The following CLDN14 variants were observed in gnomAD, a reference collection of about 807,000 sequenced individuals.
The protein encoded by CLDN14 is claudin 14, also known as claudin-14.
In CLDN14, 2 loss-of-function variants were observed where a neutral mutation model predicts 2.1. The ratio of observed to expected loss-of-function variants is 0.96; its 90% CI spans 0.39 to 3.01. The LOEUF (loss-of-function observed/expected upper bound fraction) is 3.01. Ranked by LOEUF, CLDN14 falls within the 30% of genes most tolerant of loss-of-function variation. The pLI, the probability that CLDN14 is intolerant of heterozygous loss-of-function variation, is 0.09. For missense variants in CLDN14, 298 were observed against 328.0 expected (o/e 0.91, Z 0.71); for synonymous variants, 136 against 154.4 (o/e 0.88, Z 0.88).
intron 1 of CLDN14, among the ~76,000 whole-genome samples, chr21:36,463,160 G>A (rs1239563115): frequency 5.3e-5 from 8 of 152,204 alleles, no homozygotes; most frequent in Non-Finnish European, 7.3e-5. Context: ...CATTAGCAGC[G>A]AGCATTAGGA....
chr21:36,553,924 G>A (rs965150391), intron 1 of CLDN14, among the ~76,000 whole-genome samples: 1 of 152,118 alleles, frequency 6.6e-6, no homozygotes, highest in African/African-American at 2.4e-5. Flanking sequence ...TGATGTCATC[G>A]TGCATATCAT....
chr21:36,506,609 A>AC (rs1202277574), intron 2 of CLDN14, among the ~76,000 whole-genome samples: 1 of 149,922 alleles, frequency 6.7e-6, no homozygotes, highest in Non-Finnish European at 1.5e-5. Context: ...AAAAAAAAAA[A>AC]AAAGAAAGAA....
intron 1 of CLDN14, among the ~76,000 whole-genome samples, chr21:36,573,286 G>C (rs1324210234): frequency 8.0e-6 from 1 of 124,254 alleles, no homozygotes; most frequent in East Asian, 2.4e-4. Flanking sequence ...GGGTGACAGA[G>C]CAAGACTCTG....
chr21:36,495,155 C>A (rs183067686), intron 2 of CLDN14, among the ~76,000 whole-genome samples: 2 of 152,234 alleles, frequency 1.3e-5, no homozygotes, highest in African/African-American at 4.8e-5. Context: ...TTGTGAAACC[C>A]CTTCTCTACT....
intron 2 of CLDN14, among the ~76,000 whole-genome samples, chr21:36,488,418 C>T (rs999951072): frequency 3.3e-5 from 5 of 152,136 alleles, no homozygotes; most frequent in South Asian, 2.1e-4. Flanking sequence ...ATTACAGGCA[C>T]GTGCCGCCAT....
chr21:36,498,862 A>G lies in CLDN14; in HGVS notation c.-82+11501T>C, dbSNP rs554516230. 2.0e-5 allele frequency among the ~76,000 whole-genome samples: 3 copies of G among 151,626 alleles called. No individual in the cohort carries two copies. Among genetic ancestry groups the G allele is most frequent in the Non-Finnish European group, 4.4e-5 (3 of 67,956 alleles). On this transcript the variant is annotated intron_variant, in intron 2 of 2. Coordinates refer to the CLDN14 transcript ENST00000342108. The surrounding 1 kb of genome is among the most constrained non-coding windows in gnomAD (Gnocchi z 4.9). ...GGGCCCTCATGGGGGCTGAAATTCA[A>G]CCAAGGCTTGATTCCTGCCTGAGGT...
In CLDN14 at chr21:36,474,137, T is replaced by G. The variant is rs141039530; in HGVS notation, c.-82+5358A>C. Among the ~76,000 whole-genome samples, 915 of 152,184 alleles carry G rather than the reference T, an allele frequency of 6.0e-3. 8 individuals are homozygous for G. Among genetic ancestry groups the G allele is most frequent in the African/African-American group, 0.019 (805 of 41,516 alleles). On this transcript the variant is annotated intron_variant, in intron 1 of 1. Transcript: ENST00000399135. ...AATGAGGCAACAGTTTTAGGATGGG[T>G]TCCAGGGCCCATAGACCTCAGGATA...
At chr21:36,463,787 GTAAA>G (rs1207901037) in intron 1 of CLDN14, among the ~76,000 whole-genome samples, 1 of 152,146 alleles carries the variant, frequency 6.6e-6, no homozygotes, top group Non-Finnish European at 1.5e-5. Flanking sequence ...CACTTGGTAA[GTAAA>G]TAATTAATAA....
chr21:36,517,231 A>G (rs1328968416), intron 1 of CLDN14, among the ~76,000 whole-genome samples: 2 of 152,246 alleles, frequency 1.3e-5, no homozygotes, highest in East Asian at 1.9e-4. Context: ...AGTGTCCATT[A>G]TATAAAGTTT....
intron 1 of CLDN14, among the ~76,000 whole-genome samples, chr21:36,469,875 T>C (rs886664519): frequency 2.6e-5 from 4 of 152,194 alleles, no homozygotes; most frequent in African/African-American, 7.2e-5. Flanking sequence ...TTTACTTAAA[T>C]ACATGAGTGC....
intron 2 of CLDN14, among the ~76,000 whole-genome samples, chr21:36,507,269 C>T (rs886675605): frequency 3.9e-5 from 6 of 152,206 alleles, no homozygotes; most frequent in Admixed American, 3.3e-4. Context: ...CCAGTGTTCT[C>T]TCAACCCATG....
intron 1 of CLDN14, among the ~76,000 whole-genome samples, chr21:36,517,424 C>T (rs981064367): frequency 1.3e-5 from 2 of 152,200 alleles, no homozygotes; most frequent in Non-Finnish European, 2.9e-5. Context: ...CATGTGAAGT[C>T]TGAACATCAA....
At chr21:36,529,427 T>C (rs2087361994) in intron 1 of CLDN14, among the ~76,000 whole-genome samples, 2 of 152,118 alleles carry the variant, frequency 1.3e-5, no homozygotes, top group Non-Finnish European at 2.9e-5. Context: ...TAGCTGGGAT[T>C]ACAGGCACCC....
chr21:36,557,517 G>A lies in CLDN14; in HGVS notation c.-220+18894C>T, dbSNP rs199833770. Among the ~76,000 whole-genome samples, 14 of 151,808 alleles carry A rather than the reference G, an allele frequency of 9.2e-5. No homozygotes were observed. The South Asian group carries it at 1.3e-3, about 14-fold the overall frequency. ...TAATATCTCATTGTGGTTTTGATTC[G>A]CATTTCCTTGATGATTAGTGACGTT... On this transcript the variant is annotated intron_variant, in intron 1 of 2. Transcript: ENST00000342108.
At chr21:36,471,235 C>T (rs2086707192) in intron 1 of CLDN14, among the ~76,000 whole-genome samples, 1 of 151,966 alleles carries the variant, frequency 6.6e-6, no homozygotes, top group African/African-American at 2.4e-5. Context: ...AAACAAAAAA[C>T]AAAGCCATGG....
Position 36,499,590 on chromosome 21 carries a change from A to G in CLDN14, c.-82+10773T>C, listed in dbSNP as rs901485951. Among the ~76,000 whole-genome samples, 2 of 152,122 alleles carry G rather than the reference A, an allele frequency of 1.3e-5. No homozygotes were observed. The highest frequency in any genetic ancestry group is 4.8e-5 in the African/African-American group (2 of 41,424). ...CAGGGCCCCAACCCAGACCTACCGA[A>G]TCAGAATTTCAGGAGGGGAGGTTAG... On this transcript the variant is annotated intron_variant, in intron 2 of 2. Coordinates refer to the CLDN14 transcript ENST00000342108. The surrounding 1 kb of genome is among the most constrained non-coding windows in gnomAD (Gnocchi z 4.7).
intron 1 of CLDN14, among the ~76,000 whole-genome samples, chr21:36,539,821 G>A (rs1276520776): frequency 6.6e-6 from 1 of 150,744 alleles, no homozygotes; most frequent in Non-Finnish European, 1.5e-5. Flanking sequence ...TGTGTGCGGA[G>A]TATGTCTGCA....
chr21:36,461,300 G>A lies in CLDN14; in HGVS notation c.396C>T (p.Cys132=). 1.2e-6 allele frequency: 2 copies of A among 1,613,694 alleles called. No homozygotes were observed. The highest frequency in any genetic ancestry group is 1.7e-6 in the Non-Finnish European group (2 of 1,180,012). The change falls in exon 2 of 2, where the codon TGC becomes TGT. Residue 132 remains cysteine (C), a synonymous_variant. Transcript: ENST00000399135. Reference sequence around the variant, plus strand: ...TGGTGGTCCAGGAGACGGCCACCATGCACAGGAGGCCGGCCAGGATGAAGA... The same window carrying A: ...TGGTGGTCCAGGAGACGGCCACCATACACAGGAGGCCGGCCAGGATGAAGA... ...GTLFILAGLL[C]MVAVSWTTND... is the part of the protein sequence containing the mutation.
rs188759404 is a variant in CLDN14, at chr21:36,498,820, C to G, written c.-82+11543G>C. Among the ~76,000 whole-genome samples the G allele has an allele frequency of 5.9e-5, 9 of 152,238 alleles. No homozygotes were observed. Among genetic ancestry groups the G allele is most frequent in the African/African-American group, 2.2e-4 (9 of 41,548 alleles). ...CTGCCTGGACACCATCAGCCCTGCA[C>G]GAAGGTGGCCGCTGAGGGGCCCTCA... On this transcript the variant is annotated intron_variant, in intron 2 of 2. Coordinates refer to the CLDN14 transcript ENST00000342108. The surrounding 1 kb of genome is among the most constrained non-coding windows in gnomAD (Gnocchi z 4.9).
Sources: allele counts gnomAD v4.1 joint callset (sites outside exome capture counted in the v4.1 genomes callset), GRCh38; gene constraint gnomAD v4.1.1; non-coding constraint Gnocchi (gnomAD v3.1); transcripts MANE v1.5; gene names NCBI Gene and HGNC (gene_info 2026-07-23, HGNC 2026-07-21).